Variants in WDPCP observed in about 807,000 individuals in gnomAD.
WDPCP encodes WD repeat containing planar cell polarity effector, also known as WD repeat-containing and planar cell polarity effector protein fritz homolog.
In WDPCP, 71 loss-of-function variants were observed where a neutral mutation model predicts 93.1. The observed-to-expected ratio is 0.76, with a 90% CI of 0.63 to 0.93. The LOEUF (loss-of-function observed/expected upper bound fraction) is 0.93, where lower values mean the gene tolerates loss of function less well. WDPCP is among the 40% of genes least tolerant of loss of function. The pLI is 0.00. For synonymous variants in WDPCP, 315 were observed against 315.0 expected, an observed-to-expected ratio of 1.00 and a Z score of 0.00; for missense variants, 844 against 887.4, an observed-to-expected ratio of 0.95 and a Z score of 0.62.
At chr2:63,484,685 G>A (rs749002926) in intron 5 of WDPCP, 22 bp from the exon 6 acceptor site, 2 of 1,612,686 alleles carry the variant, frequency 1.2e-6, no homozygotes, top group East Asian at 4.5e-5. Context: ...CAGAAAAAGA[G>A]AGAGCGTAGT....
At chr2:63,800,824 T>C (rs538072070) in intron 2 of WDPCP, among the ~76,000 whole-genome samples, 1 of 152,096 alleles carries the variant, frequency 6.6e-6, no homozygotes, top group Admixed American at 6.5e-5. Context: ...AGGGCTGAGG[T>C]GGGAGGACTG....
chr2:63,568,045 A>G (rs1354758481), intron 1 of WDPCP, among the ~76,000 whole-genome samples: 1 of 152,260 alleles, frequency 6.6e-6, no homozygotes, highest in Non-Finnish European at 1.5e-5. Flanking sequence ...TAGATTAAGA[A>G]TAATAAGAGC....
chr2:63,451,681 T>C (rs1698259202), intron 6 of WDPCP, among the ~76,000 whole-genome samples: 1 of 152,200 alleles, frequency 6.6e-6, no homozygotes, highest in South Asian at 2.1e-4. Context: ...TGAACACTGA[T>C]GCAAAAATCC....
chr2:63,755,648 A>T (rs771619565), intron 2 of WDPCP, among the ~76,000 whole-genome samples: 22 of 152,216 alleles, frequency 1.4e-4, no homozygotes, highest in Non-Finnish European at 2.9e-5. Flanking sequence ...ATAGAATCTC[A>T]TAGGCAAAAG....
chr2:63,696,557 G>C (rs919672577), intron 2 of WDPCP, among the ~76,000 whole-genome samples: 17 of 152,098 alleles, frequency 1.1e-4, no homozygotes, highest in African/African-American at 4.1e-4. Context: ...GGCAGAGCAG[G>C]ACCTTCACCT....
chr2:63,324,415 C>T (rs1687366640), intron 12 of WDPCP, among the ~76,000 whole-genome samples: 1 of 152,228 alleles, frequency 6.6e-6, no homozygotes, highest in Non-Finnish European at 1.5e-5. Flanking sequence ...CTATCGGTTA[C>T]GTCCCCTTCA....
intron 2 of WDPCP, among the ~76,000 whole-genome samples, chr2:63,812,950 T>C (rs1670883295): frequency 6.6e-6 from 1 of 151,720 alleles, no homozygotes; most frequent in African/African-American, 2.4e-5. Flanking sequence ...CAGTCTAGGC[T>C]CAACTGATCC....
intron 10 of WDPCP, among the ~76,000 whole-genome samples, chr2:63,393,694 A>T (rs1442298334): frequency 1.3e-5 from 2 of 152,158 alleles, no homozygotes. Flanking sequence ...TGATGCAATG[A>T]CCAAAACAGC....
At chr2:63,558,721 G>C (rs570508203) in intron 1 of WDPCP, among the ~76,000 whole-genome samples, 3 of 152,202 alleles carry the variant, frequency 2.0e-5, no homozygotes, top group Non-Finnish European at 4.4e-5. Flanking sequence ...ACCCTCCCAA[G>C]ACTGAACCAG....
intron 1 of WDPCP, among the ~76,000 whole-genome samples, chr2:63,517,653 A>G (rs2106135874): frequency 6.6e-6 from 1 of 152,306 alleles, no homozygotes; most frequent in East Asian, 1.9e-4. Flanking sequence ...GCCTTAGGTT[A>G]GATGCAGGAA....
intron 17 of WDPCP, among the ~76,000 whole-genome samples, chr2:63,134,273 GTTTTA>G (rs1400523660): frequency 6.6e-6 from 1 of 151,926 alleles, no homozygotes; most frequent in Admixed American, 6.6e-5. Context: ...CTCTTTCCCA[GTTTTA>G]TTTTATTTTT....
intron 2 of WDPCP, among the ~76,000 whole-genome samples, chr2:63,799,605 A>C (rs78938985): frequency 0.16 from 24,024 of 152,230 alleles, 2,458 homozygotes; most frequent in Middle Eastern, 0.25. Flanking sequence ...ACATTTCTGT[A>C]AAGGCTTAGA....
At chr2:63,552,281 T>A (rs984834258) in intron 1 of WDPCP, among the ~76,000 whole-genome samples, 1 of 151,304 alleles carries the variant, frequency 6.6e-6, no homozygotes, top group Non-Finnish European at 1.5e-5. Context: ...TTCTCTTTTA[T>A]GTTGTTTATT....
intron 14 of WDPCP, among the ~76,000 whole-genome samples, chr2:63,184,213 CCT>C (rs1205456714): frequency 2.0e-5 from 3 of 150,758 alleles, no homozygotes; most frequent in African/African-American, 7.3e-5. Context: ...TCTTTTTTTC[CCT>C]CTTTCTGTTT....
intron 13 of WDPCP, among the ~76,000 whole-genome samples, chr2:63,276,535 A>G (rs1683102673): frequency 6.6e-6 from 1 of 152,234 alleles, no homozygotes; most frequent in African/African-American, 2.4e-5. Context: ...ATAAAAAACA[A>G]TCACAACTTC....
intron 9 of WDPCP, among the ~76,000 whole-genome samples, chr2:63,416,388 C>G (rs999446793): frequency 6.6e-6 from 1 of 151,400 alleles, no homozygotes; most frequent in Non-Finnish European, 1.5e-5. Flanking sequence ...TTAATAGAGA[C>G]AGGGTTTCGC....
chr2:63,502,193 G>C (rs577261487), intron 1 of WDPCP, among the ~76,000 whole-genome samples: 2 of 152,112 alleles, frequency 1.3e-5, no homozygotes, highest in African/African-American at 4.8e-5. Flanking sequence ...TTTGTTCACT[G>C]AACACCACAT....
intron 6 of WDPCP, among the ~76,000 whole-genome samples, chr2:63,450,926 C>G (rs552156479): frequency 6.6e-6 from 1 of 151,874 alleles, no homozygotes; most frequent in Non-Finnish European, 1.5e-5. Context: ...TGTAAGAGCA[C>G]GGGAAGTATG....
chr2:63,148,850 A>G (rs1474620264), intron 17 of WDPCP, among the ~76,000 whole-genome samples: 1 of 98,598 alleles, frequency 1.0e-5, no homozygotes, highest in African/African-American at 3.9e-5. Context: ...GGTTAAAAGG[A>G]CACAGGAGCC....
Sources: allele counts gnomAD v4.1 joint callset (sites outside exome capture counted in the v4.1 genomes callset), GRCh38; gene constraint gnomAD v4.1.1; transcripts MANE v1.5; gene names NCBI Gene and HGNC (gene_info 2026-07-23, HGNC 2026-07-21).